FAM81A: variants seen among roughly 807,000 people sequenced by gnomAD.
The protein encoded by FAM81A is protein FAM81A.
In FAM81A, 19 loss-of-function variants were observed where a neutral mutation model predicts 46.7. The observed-to-expected ratio is 0.41, with a 90% CI of 0.28 to 0.60. The LOEUF (loss-of-function observed/expected upper bound fraction) is 0.60, where lower values mean the gene tolerates loss of function less well. Ranked by LOEUF, FAM81A falls within the 20% of genes least tolerant of loss-of-function variation. The pLI is 0.34. For synonymous variants in FAM81A, 183 were observed against 152.9 expected (o/e 1.20, Z -1.45); for missense variants, 377 against 453.5 (o/e 0.83, Z 1.53).
chr15:59,476,991 G>A (rs1426332767), intron 3 of FAM81A, among the ~76,000 whole-genome samples: 9 of 151,454 alleles, frequency 5.9e-5, no homozygotes, highest in African/African-American at 1.9e-4. Context: ...GTGGTGGCAG[G>A]TGCCTGTAAC....
At chr15:59,458,917 G>A (rs1237551204) in intron 2 of FAM81A, among the ~76,000 whole-genome samples, 1 of 152,240 alleles carries the variant, frequency 6.6e-6, no homozygotes, top group Non-Finnish European at 1.5e-5. Flanking sequence ...TCCCTGTTAA[G>A]CTTTTTAAAT....
intron 3 of FAM81A, among the ~76,000 whole-genome samples, chr15:59,476,669 A>G (rs1390460117): frequency 4.6e-5 from 7 of 152,016 alleles, no homozygotes; most frequent in Admixed American, 4.6e-4. Flanking sequence ...ATGTGCCTGT[A>G]ATCCCAGCTA....
chr15:59,427,149 C>A (rs1350388661), intron 2 of FAM81A, among the ~76,000 whole-genome samples: 2 of 152,150 alleles, frequency 1.3e-5, no homozygotes, highest in African/African-American at 4.8e-5. Flanking sequence ...CTCACTCTGT[C>A]ACCCAGGCTG....
Position 59,497,678 on chromosome 15 carries a change from G to A in FAM81A, c.413+5289G>A, listed in dbSNP as rs192454351. Among the ~76,000 whole-genome samples, 143 of 149,768 alleles carry A rather than the reference G, an allele frequency of 9.5e-4. 1 individual carries two copies. The highest frequency in any genetic ancestry group is 3.3e-3 in the African/African-American group (128 of 39,332). On this transcript the variant is annotated intron_variant, in intron 4 of 8. Transcript: ENST00000288228. ...TGAGGCCAGGAGTTTGAGGCCAGGA[G>A]TTTGAGACCATGTTTGGCAACATAG...
chr15:59,399,504 C>T (rs1379032521), intron 1 of FAM81A, among the ~76,000 whole-genome samples: 1 of 152,058 alleles, frequency 6.6e-6, no homozygotes, highest in East Asian at 1.9e-4. Flanking sequence ...AAAAAGGCCT[C>T]CAGAAAGATA....
chr15:59,474,094 C>T (rs970973046), intron 3 of FAM81A, among the ~76,000 whole-genome samples: 3 of 152,182 alleles, frequency 2.0e-5, no homozygotes, highest in Non-Finnish European at 4.4e-5. Flanking sequence ...GTTTCCTTTC[C>T]CTCAGTGTAT....
intron 1 of FAM81A, among the ~76,000 whole-genome samples, chr15:59,449,855 C>T (rs1265963480): frequency 2.1e-5 from 3 of 145,892 alleles, no homozygotes; most frequent in Non-Finnish European, 4.5e-5. Flanking sequence ...TTACTTTTTT[C>T]ACTTAATATA....
chr15:59,400,945 A>T (rs1278702605), intron 1 of FAM81A, among the ~76,000 whole-genome samples: 2 of 152,210 alleles, frequency 1.3e-5, no homozygotes, highest in Non-Finnish European at 2.9e-5. Flanking sequence ...AAAGGTTTCA[A>T]ATTAATTCTG....
At chr15:59,398,952 G>A (rs1234669675) in intron 1 of FAM81A, among the ~76,000 whole-genome samples, 2 of 151,874 alleles carry the variant, frequency 1.3e-5, no homozygotes, top group Non-Finnish European at 2.9e-5. Flanking sequence ...GGTGGATCAC[G>A]AGGTCAGGAG....
chr15:59,469,520 C>G (rs1365753287), intron 3 of FAM81A, among the ~76,000 whole-genome samples: 1 of 149,882 alleles, frequency 6.7e-6, no homozygotes, highest in Non-Finnish European at 1.5e-5. Context: ...TTATCAGAGA[C>G]TAGGAATGCA....
chr15:59,483,091 G>A (rs945608260), intron 3 of FAM81A, among the ~76,000 whole-genome samples: 9 of 151,862 alleles, frequency 5.9e-5, no homozygotes, highest in African/African-American at 2.2e-4. Context: ...AGGCTGGAGT[G>A]CAGTGGCACA....
intron 4 of FAM81A, among the ~76,000 whole-genome samples, chr15:59,498,269 T>G (rs1302127082): frequency 3.9e-5 from 6 of 152,226 alleles, no homozygotes; most frequent in African/African-American, 1.2e-4. Flanking sequence ...TTCTTTAAAT[T>G]TATTCCTAAG....
chr15:59,434,666 C>G (rs1261914857), upstream of FAM81A, among the ~76,000 whole-genome samples: 1 of 152,210 alleles, frequency 6.6e-6, no homozygotes, highest in African/African-American at 2.4e-5. Context: ...TATGACTGTT[C>G]CTTGTGGTCA....
At chr15:59,491,317 A>G (rs759529942) in intron 3 of FAM81A, among the ~76,000 whole-genome samples, 2 of 152,236 alleles carry the variant, frequency 1.3e-5, no homozygotes, top group Non-Finnish European at 1.5e-5. Context: ...AGCCAGGCAC[A>G]GAAAGATAAG....
In FAM81A at chr15:59,422,410, AAAGTGTTCT is replaced by A. The variant is rs2141553998; in HGVS notation, c.-78+20054_-78+20062del. 2.0e-5 allele frequency among the ~76,000 whole-genome samples: 3 copies of A among 152,130 alleles called. No homozygotes were observed. The East Asian group carries it at 5.8e-4, about 29-fold the overall frequency. ...CTCTAAAATAAATTAAAAATAAAAC[AAAGTGTTCT>A]ATTCAGGGGTGTTTTGTATGTTCAC... On this transcript the variant is annotated intron_variant, in intron 2 of 4. Coordinates refer to the FAM81A transcript ENST00000558348.
chr15:59,497,403 G>A (rs1237615196), intron 4 of FAM81A, among the ~76,000 whole-genome samples: 11 of 152,086 alleles, frequency 7.2e-5, no homozygotes, highest in African/African-American at 2.7e-4. Context: ...CCGAGGTTGT[G>A]CCACTGCACT....
intron 3 of FAM81A, among the ~76,000 whole-genome samples, chr15:59,474,568 G>A (rs1291004475): frequency 4.6e-5 from 7 of 152,104 alleles, no homozygotes; most frequent in East Asian, 1.9e-4. Context: ...GAAATACCAC[G>A]CCTCTTAATA....
At chr15:59,398,715 G>A (rs369558281) in intron 1 of FAM81A, among the ~76,000 whole-genome samples, 85 of 120,880 alleles carry the variant, frequency 7.0e-4, no homozygotes, top group Admixed American at 9.2e-4. Flanking sequence ...CCAGGATCAC[G>A]TCACTGCACT....
intron 2 of FAM81A, among the ~76,000 whole-genome samples, chr15:59,404,221 T>C (rs558269735): frequency 1.6e-4 from 24 of 152,088 alleles, no homozygotes; most frequent in Admixed American, 7.9e-4. Context: ...AACAAACCCA[T>C]TGATTCTCAG....
Sources: allele counts gnomAD v4.1 joint callset (sites outside exome capture counted in the v4.1 genomes callset), GRCh38; gene constraint gnomAD v4.1.1; transcripts MANE v1.5; gene names NCBI Gene and HGNC (gene_info 2026-07-23, HGNC 2026-07-21).